The following UGCG variants were observed in gnomAD, a reference collection of about 807,000 sequenced individuals.
UGCG encodes UDP-glucose ceramide glucosyltransferase.
Under a neutral mutation model 49.5 loss-of-function variants are expected in UGCG, and 10 were observed. The ratio of observed to expected loss-of-function variants is 0.20; its 90% CI spans 0.12 to 0.34. The LOEUF is 0.34. UGCG is among the 10% of genes least tolerant of loss of function. The pLI is 1.00. For synonymous variants in UGCG, 182 were observed against 158.2 expected, an observed-to-expected ratio of 1.15 and a Z score of -1.13; for missense variants, 312 against 483.7, an observed-to-expected ratio of 0.65 and a Z score of 3.33.
chr9:111,930,332 G>A (rs1308389556), intron 6 of UGCG, among the ~76,000 whole-genome samples: 1 of 152,168 alleles, frequency 6.6e-6, no homozygotes, highest in African/African-American at 2.4e-5. Flanking sequence ...TCATAAACTA[G>A]TAGGTGAAAA....
chr9:111,903,396 C>T (rs1837814574), intron 1 of UGCG, among the ~76,000 whole-genome samples: 1 of 152,034 alleles, frequency 6.6e-6, no homozygotes, highest in Non-Finnish European at 1.5e-5. Flanking sequence ...AAAACCCCAT[C>T]TCTACTAAAA....
intron 7 of UGCG, 88 bp from the exon 8 acceptor site, chr9:111,932,081 TA>T: frequency 2.9e-6 from 4 of 1,367,820 alleles, no homozygotes; most frequent in Non-Finnish European, 4.0e-6. Flanking sequence ...TATCACAGGG[TA>T]AAAAAATTGA....
chr9:111,909,686 C>T (rs1837960295), intron 1 of UGCG, among the ~76,000 whole-genome samples: 3 of 152,206 alleles, frequency 2.0e-5, no homozygotes, highest in Non-Finnish European at 4.4e-5. Flanking sequence ...CATGGAGTAC[C>T]ACTGTGTGCT....
intron 1 of UGCG, among the ~76,000 whole-genome samples, chr9:111,908,312 C>A (rs192658214): frequency 2.8e-3 from 420 of 152,164 alleles, no homozygotes; most frequent in Admixed American, 5.1e-3. Flanking sequence ...CATAACGCAA[C>A]CCAAAGAGGC....
intron 3 of UGCG, among the ~76,000 whole-genome samples, chr9:111,924,293 G>A (rs927611197): frequency 6.6e-6 from 1 of 152,088 alleles, no homozygotes; most frequent in African/African-American, 2.4e-5. Flanking sequence ...TTGTGGAATA[G>A]CTAAATTAAG....
intron 2 of UGCG, chr9:111,915,858 T>C: frequency 2.1e-6 from 2 of 971,664 alleles, no homozygotes; most frequent in Non-Finnish European, 1.2e-6. Flanking sequence ...TGAGTATCAT[T>C]CAGTTGTATT....
intron 1 of UGCG, among the ~76,000 whole-genome samples, chr9:111,901,454 A>G (rs1837770200): frequency 6.6e-6 from 1 of 152,216 alleles, no homozygotes; most frequent in Non-Finnish European, 1.5e-5. Flanking sequence ...AAGGCAGTCC[A>G]GCAATTCAGC....
At chr9:111,916,575 T>C (rs2118547175) in intron 2 of UGCG, among the ~76,000 whole-genome samples, 1 of 152,120 alleles carries the variant, frequency 6.6e-6, no homozygotes, top group Non-Finnish European at 1.5e-5. Context: ...GCTCAACCAG[T>C]CCTCCCACCT....
chr9:111,930,499 G>T lies in UGCG; in HGVS notation c.738-772G>T, dbSNP rs1175227256. On this transcript the variant is annotated intron_variant, in intron 6 of 8. Transcript: ENST00000374279. ...TTTTTTTTTTTTTTGAGACAGTCTC[G>T]CCCTGACATCCAGGCTGGAGTGCAG... Among the ~76,000 whole-genome samples the T allele has an allele frequency of 2.2e-5, 3 of 139,368 alleles. No individual in the cohort carries two copies. The East Asian group carries it at 6.3e-4, about 29-fold the overall frequency. The allele number at this position is 139,368 out of a possible 152,430, so 91.4% of individuals were successfully genotyped here.
chr9:111,899,695 T>G (rs1837732552), intron 1 of UGCG, among the ~76,000 whole-genome samples: 1 of 152,178 alleles, frequency 6.6e-6, no homozygotes, highest in Admixed American at 6.6e-5. Context: ...CTCCAAATTA[T>G]TATATATGTT....
chr9:111,932,114 G>C, intron 7 of UGCG, 56 bp from the exon 8 acceptor site: 1 of 1,495,824 alleles, frequency 6.7e-7, no homozygotes, highest in South Asian at 1.3e-5. Context: ...AAAAAAAAAA[G>C]GATTTGTCTT....
At chr9:111,901,467 C>T (rs1012351479) in intron 1 of UGCG, among the ~76,000 whole-genome samples, 10 of 152,180 alleles carry the variant, frequency 6.6e-5, no homozygotes, top group African/African-American at 2.4e-4. Flanking sequence ...AATTCAGCCC[C>T]TTTAACCTGA....
At chr9:111,927,492 C>T (rs1838337941) in intron 5 of UGCG, among the ~76,000 whole-genome samples, 1 of 151,682 alleles carries the variant, frequency 6.6e-6, no homozygotes, top group Non-Finnish European at 1.5e-5. Flanking sequence ...CGCTCTGTCG[C>T]CCAGGCTGGA....
chr9:111,928,939 G>A (rs1174640862), intron 5 of UGCG, among the ~76,000 whole-genome samples: 1 of 151,894 alleles, frequency 6.6e-6, no homozygotes, highest in Non-Finnish European at 1.5e-5. Context: ...AAAATACATT[G>A]AAAAAAATGG....
intron 5 of UGCG, among the ~76,000 whole-genome samples, chr9:111,927,094 CT>C (rs1169745141): frequency 3.3e-5 from 5 of 151,980 alleles, no homozygotes; most frequent in African/African-American, 1.2e-4. Context: ...CGGCCTCAAA[CT>C]CCTGACCTCA....
chr9:111,901,830 T>A (rs2131713208), intron 1 of UGCG, among the ~76,000 whole-genome samples: 1 of 152,380 alleles, frequency 6.6e-6, no homozygotes, highest in East Asian at 1.9e-4. Context: ...ATGTTGAAGC[T>A]ATGTCTACTC....
Position 111,929,273 on chromosome 9 carries a change from A to G in UGCG, c.559-227A>G, listed in dbSNP as rs572358473. 1.2e-4 allele frequency: 48 copies of G among 385,914 alleles called. No homozygotes were observed. In the Middle Eastern group the frequency reaches 2.8e-3, roughly 22 times the overall value. The allele number at this position is 385,914 out of a possible 1,614,324, so 23.9% of individuals were successfully genotyped here. ...TATCAATGAGTGATATTTTTACCTT[A>G]TTTTGTATCTAAATTAAGTTTTATT... On this transcript the variant is annotated intron_variant, in intron 5 of 8. Coordinates refer to ENST00000374279, the MANE Select transcript of UGCG (RefSeq NM_003358.3).
rs1400080950 is a variant in UGCG at position 111,933,608 on chromosome 9, A to G, written c.*611A>G. On this transcript the variant is annotated 3_prime_UTR_variant, in exon 9 of 9. Transcript: ENST00000374279. ...ACAGAAAAACTTAAAAAAAAATGATATAAGAGCTGGAGTCTAGTATTTATA... is the reference window on the plus strand; with the variant it reads ...ACAGAAAAACTTAAAAAAAAATGATGTAAGAGCTGGAGTCTAGTATTTATA... 2.0e-5 allele frequency: 3 copies of G among 152,186 alleles called. No homozygotes were observed. Among genetic ancestry groups the G allele is most frequent in the Admixed American group, 6.5e-5 (1 of 15,282 alleles). 9.4% of individuals were successfully genotyped at this position (152,186 alleles called of 1,614,324 possible).
intron 1 of UGCG, among the ~76,000 whole-genome samples, chr9:111,907,339 G>A (rs538792972): frequency 1.3e-5 from 2 of 152,304 alleles, no homozygotes; most frequent in African/African-American, 4.8e-5. Flanking sequence ...TGGAAATGCT[G>A]TAACGATTAG....
Sources: allele counts gnomAD v4.1 joint callset (sites outside exome capture counted in the v4.1 genomes callset), GRCh38; gene constraint gnomAD v4.1.1; transcripts MANE v1.5; gene names NCBI Gene and HGNC (gene_info 2026-07-23, HGNC 2026-07-21).